The following NLRC4 variants were observed in gnomAD, a reference collection of about 807,000 sequenced individuals.
NLRC4 encodes NLR family CARD domain containing 4.
Under a neutral mutation model 79.9 loss-of-function variants are expected in NLRC4, and 63 were observed. That is an observed-to-expected ratio of 0.79 (90% CI 0.64 to 0.97). The LOEUF (loss-of-function observed/expected upper bound fraction) is 0.97. Among genes scored for constraint, NLRC4 ranks in the 50% least tolerant of loss-of-function variants. The probability of loss-of-function intolerance (pLI) is 0.00; values close to 1 mark genes in which losing one functional copy is unlikely to be tolerated. For synonymous variants in NLRC4, 461 were observed against 456.5 expected, an observed-to-expected ratio of 1.01 and a Z score of -0.12; for missense variants, 1,074 against 1,215.2, an observed-to-expected ratio of 0.88 and a Z score of 1.73.
intron 1 of NLRC4, among the ~76,000 whole-genome samples, chr2:32,259,210 C>A (rs1260543359): frequency 6.7e-6 from 1 of 149,636 alleles, no homozygotes; most frequent in African/African-American, 2.5e-5. Flanking sequence ...ATCTTCCCAC[C>A]TCAGCCTCCT....
At chr2:32,225,224 C>T (rs1195581122) in intron 8 of NLRC4, among the ~76,000 whole-genome samples, 1 of 152,034 alleles carries the variant, frequency 6.6e-6, no homozygotes, top group African/African-American at 2.4e-5. Flanking sequence ...AGTGAGCCTC[C>T]TTCAGTATCT....
intron 8 of NLRC4, among the ~76,000 whole-genome samples, chr2:32,233,351 T>A (rs1324727984): frequency 0.059 from 1,304 of 22,154 alleles, 9 homozygotes; most frequent in East Asian, 0.076. Flanking sequence ...ATATATATAT[T>A]TTTTTTTTTT....
Position 32,251,430 on chromosome 2 carries a change from T to C in NLRC4, c.434A>G (p.His145Arg). 6.2e-7 allele frequency: 1 copy of C among 1,613,956 alleles called. No individual in the cohort carries two copies. The highest frequency in any genetic ancestry group is 8.5e-7 in the Non-Finnish European group (1 of 1,179,986). Reference protein sequence around the residue: ...TEPVLWRKDQHHHRVEQLTLN... With the variant: ...TEPVLWRKDQRHHRVEQLTLN... ...GGTCAGCTGCTCCACGCGGTGATGGTGTTGGTCCTTCCTCCACAGGACAGG... is the reference window on the plus strand; with the variant it reads ...GGTCAGCTGCTCCACGCGGTGATGGCGTTGGTCCTTCCTCCACAGGACAGG... Residue 145 changes from histidine (H) to arginine (R), a missense_variant, in exon 4 of 9, where the codon CAC becomes CGC. His to Arg is a conservative substitution (Grantham distance 29, BLOSUM62 0). Coordinates refer to ENST00000402280, the MANE Select transcript of NLRC4 (RefSeq NM_001199138.2).
At chr2:32,258,336 G>C (rs1435320202) in intron 1 of NLRC4, among the ~76,000 whole-genome samples, 1 of 152,200 alleles carries the variant, frequency 6.6e-6, no homozygotes, top group African/African-American at 2.4e-5. Flanking sequence ...TTGTGTGTCT[G>C]CCTGCAAGGG....
intron 2 of NLRC4, among the ~76,000 whole-genome samples, chr2:32,255,787 G>A (rs1217731837): frequency 6.6e-6 from 1 of 152,120 alleles, no homozygotes; most frequent in African/African-American, 2.4e-5. Flanking sequence ...GGCCGAGGCG[G>A]GTGGATCACG....
chr2:32,251,537 G>A lies in NLRC4; in HGVS notation c.327C>T (p.Tyr109=), dbSNP rs1031872180. Reference sequence around the variant, plus strand: ...AAAAGTTCAGAAAAGATGGGGTATGGTACAAGTCCTTTAAATCCTGAGCCA... The same window carrying A: ...AAAAGTTCAGAAAAGATGGGGTATGATACAAGTCCTTTAAATCCTGAGCCA... ...DDLAQDLKDL[Y]HTPSFLNFYP... Residue 109 remains tyrosine (Y), a synonymous_variant, in exon 4 of 9, where the codon TAC becomes TAT. Transcript: ENST00000402280. The A allele has an allele frequency of 1.9e-6, 3 of 1,613,332 alleles. No homozygotes were observed. Among genetic ancestry groups the A allele is most frequent in the Admixed American group, 3.3e-5 (2 of 59,870 alleles).
rs762665480 is a variant in NLRC4, at chr2:32,250,340, G to A, written c.1524C>T (p.His508=). The change falls in exon 4 of 9, where the codon CAC becomes CAT. Residue 508 remains histidine (H), a synonymous_variant. Transcript: ENST00000402280. The surrounding 1 kb of genome is among the most constrained non-coding windows in gnomAD (Gnocchi z 4.9). ...AGCCGTGTTGATACACTGCTGCGAG[G>A]TGCTTCATAACAGCCCTGGTGGCTT... ...SVEATRAVMK[H]LAAVYQHGCL... 5 of 1,614,166 alleles carry A rather than the reference G, an allele frequency of 3.1e-6. No homozygotes were observed. The highest frequency in any genetic ancestry group is 3.3e-5 in the Admixed American group (2 of 60,012).
intron 2 of NLRC4, among the ~76,000 whole-genome samples, chr2:32,253,157 A>G (rs1167053030): frequency 2.0e-5 from 3 of 151,236 alleles, no homozygotes; most frequent in Admixed American, 1.3e-4. Context: ...TCTGCCAAGC[A>G]TTTTTTTTCT....
chr2:32,263,355 G>T (rs1687396650), intron 1 of NLRC4, among the ~76,000 whole-genome samples: 1 of 152,156 alleles, frequency 6.6e-6, no homozygotes, highest in African/African-American at 2.4e-5. Context: ...CTATTGTGAA[G>T]ATTAAACATG....
At chr2:32,252,319 T>G in intron 3 of NLRC4, 100 bp downstream of exon 3, 1 of 863,708 alleles carries the variant, frequency 1.2e-6, no homozygotes, top group Non-Finnish European at 1.9e-6. Context: ...CCAGGTGATA[T>G]GAAGAGAAGG....
At chr2:32,226,888 A>AG (rs1686412559) in intron 8 of NLRC4, among the ~76,000 whole-genome samples, 1 of 152,154 alleles carries the variant, frequency 6.6e-6, no homozygotes, top group Non-Finnish European at 1.5e-5. Context: ...CAAAAAAAAA[A>AG]AGAGAAGAAA....
At chr2:32,257,922 CT>C (rs1264009014) in intron 1 of NLRC4, among the ~76,000 whole-genome samples, 1 of 152,038 alleles carries the variant, frequency 6.6e-6, no homozygotes, top group Non-Finnish European at 1.5e-5. Context: ...ACAGGGTGCT[CT>C]TTTAGTTCAG....
At position 32,250,700 on chromosome 2, in the gene NLRC4, C is replaced by G. The variant is rs2148942481; in HGVS notation, c.1164G>C (p.Arg388=). Residue 388 remains arginine (R), a synonymous_variant, in exon 4 of 9, where the codon CGG becomes CGC. Transcript: ENST00000402280. The surrounding 1 kb of genome is among the most constrained non-coding windows in gnomAD (Gnocchi z 4.9). ...CTAGGTCTCCACAGTGGTCCAGGCT[C>G]CGAATGAAGTCACTTGCAGCCACAC... ...HKGVAASDFI[R]SLDHCGDLAL... 1.9e-6 allele frequency: 3 copies of G among 1,614,176 alleles called. No homozygotes were observed. The highest frequency in any genetic ancestry group is 2.5e-6 in the Non-Finnish European group (3 of 1,180,034).
chr2:32,251,726 C>G (rs1687083244), intron 3 of NLRC4, 125 bp from the exon 4 acceptor site: 1 of 656,926 alleles, frequency 1.5e-6, no homozygotes, highest in East Asian at 2.7e-5. Context: ...TGTCCTTTCC[C>G]AGTTCTGAGC....
chr2:32,232,156 A>G (rs1438084676), intron 8 of NLRC4, among the ~76,000 whole-genome samples: 1 of 152,188 alleles, frequency 6.6e-6, no homozygotes, highest in South Asian at 2.1e-4. Context: ...CATACTATCA[A>G]CATGAATCAC....
chr2:32,254,116 A>G (rs1687150020), intron 2 of NLRC4, among the ~76,000 whole-genome samples: 1 of 152,026 alleles, frequency 6.6e-6, no homozygotes, highest in Admixed American at 6.6e-5. Context: ...AGCGTATGTT[A>G]ACTGGCTAAC....
At chr2:32,224,997 A>G (rs564910677) in intron 8 of NLRC4, among the ~76,000 whole-genome samples, 1 of 152,272 alleles carries the variant, frequency 6.6e-6, no homozygotes, top group African/African-American at 2.4e-5. Flanking sequence ...ATAAATAGTG[A>G]TTCGTAGTGA....
rs2148943842 is a variant in NLRC4, at chr2:32,252,567, T to C, written c.114A>G (p.Val38=). 4 of 1,614,220 alleles carry C rather than the reference T, an allele frequency of 2.5e-6. No individual in the cohort carries two copies. The highest frequency in any genetic ancestry group is 3.4e-6 in the Non-Finnish European group (4 of 1,180,022). ...CCACCTTCTCGCAGCAAATGATGTTTACTTCTTCGCGATTCAGAACATTCC... is the reference window on the plus strand; with the variant it reads ...CCACCTTCTCGCAGCAAATGATGTTCACTTCTTCGCGATTCAGAACATTCC... ...FVWNVLNREE[V]NIICCEKVEQ... is the part of the protein sequence containing the mutation. The change falls in exon 3 of 9, where the codon GTA becomes GTG. Residue 38 remains valine, a synonymous_variant. Coordinates refer to ENST00000402280, the MANE Select transcript of NLRC4 (RefSeq NM_001199138.2).
At position 32,230,535 on chromosome 2, in the gene NLRC4, G is replaced by A. The variant is rs536401739; in HGVS notation, c.2782+4866C>T. Reference sequence around the variant, plus strand: ...CACCCAGGCTGGAGTTCAGTGGCGCGATCTTGGCTCACTGCAGCCTCCACC... The same window carrying A: ...CACCCAGGCTGGAGTTCAGTGGCGCAATCTTGGCTCACTGCAGCCTCCACC... On this transcript the variant is annotated intron_variant, in intron 8 of 8. Coordinates refer to ENST00000402280, the MANE Select transcript of NLRC4 (RefSeq NM_001199138.2). Among the ~76,000 whole-genome samples the A allele has an allele frequency of 9.5e-4, 142 of 150,002 alleles. 1 individual carries two copies. The highest frequency in any genetic ancestry group is 3.4e-3 in the African/African-American group (139 of 40,702).
Sources: allele counts gnomAD v4.1 joint callset (sites outside exome capture counted in the v4.1 genomes callset), GRCh38; gene constraint gnomAD v4.1.1; non-coding constraint Gnocchi (gnomAD v3.1); transcripts MANE v1.5; gene names NCBI Gene and HGNC (gene_info 2026-07-23, HGNC 2026-07-21).